Variants in ANKFN1 observed in about 807,000 individuals in gnomAD.
ANKFN1 encodes the protein ankyrin repeat and fibronectin type-III domain-containing protein 1.
ANKFN1 carries 74 observed loss-of-function variants against 108.7 expected under a neutral mutation model. That is an observed-to-expected ratio of 0.68 (90% confidence interval 0.56 to 0.83). ANKFN1 has a LOEUF of 0.83. ANKFN1 is among the 40% of genes least tolerant of loss of function. The pLI, the probability that ANKFN1 is intolerant of heterozygous loss-of-function variation, is 0.00. For missense variants in ANKFN1, 1,505 were observed against 1,382.3 expected (o/e 1.09, Z -1.41); for synonymous variants, 547 against 516.2 (o/e 1.06, Z -0.81).
chr17:56,245,196 T>A (rs1030404150), intron 3 of ANKFN1, among the ~76,000 whole-genome samples: 1 of 152,182 alleles, frequency 6.6e-6, no homozygotes, highest in African/African-American at 2.4e-5. Context: ...TTCCACACAA[T>A]GATCCTTTAC....
chr17:56,351,066 A>T, intron 5 of ANKFN1, 99 bp downstream of exon 5: 1 of 1,232,566 alleles, frequency 8.1e-7, no homozygotes, highest in Non-Finnish European at 1.1e-6. Context: ...TCAGAAGTTG[A>T]TGCTTGCAAT....
chr17:56,107,966 A>T (rs886742302), intron 4 of ANKFN1, among the ~76,000 whole-genome samples: 6 of 152,092 alleles, frequency 3.9e-5, no homozygotes, highest in Admixed American at 1.3e-4. Flanking sequence ...GGTTCAAGTG[A>T]TTCCCCTGTC....
At chr17:56,458,285 C>T (rs957342800) in intron 14 of ANKFN1, among the ~76,000 whole-genome samples, 11 of 152,098 alleles carry the variant, frequency 7.2e-5, no homozygotes, top group Admixed American at 3.9e-4. Flanking sequence ...CGACTCAGTT[C>T]TCCTCTCTGG....
chr17:56,188,411 T>C (rs1912459735), intron 1 of ANKFN1, among the ~76,000 whole-genome samples: 1 of 151,398 alleles, frequency 6.6e-6, no homozygotes, highest in South Asian at 2.1e-4. Context: ...TCCTTGCCTT[T>C]TTCAGCTTCT....
intron 20 of ANKFN1, among the ~76,000 whole-genome samples, chr17:56,501,388 T>C (rs936399398): frequency 1.3e-5 from 2 of 152,180 alleles, no homozygotes; most frequent in African/African-American, 4.8e-5. Context: ...GGGAAAATTA[T>C]TGAAGCAGGG....
At chr17:56,059,097 T>C (rs1210049640) in intron 4 of ANKFN1, among the ~76,000 whole-genome samples, 1 of 152,210 alleles carries the variant, frequency 6.6e-6, no homozygotes, top group Non-Finnish European at 1.5e-5. Context: ...CCAGCATCTA[T>C]TGGTTCTTGA....
intron 8 of ANKFN1, 136 bp from the exon 9 acceptor site, chr17:56,440,191 C>A: frequency 2.2e-6 from 1 of 448,764 alleles, no homozygotes; most frequent in Non-Finnish European, 4.0e-6. Flanking sequence ...TCTGATACAC[C>A]AATATAAAGA....
At chr17:56,367,239 A>G (rs1438726725) in intron 6 of ANKFN1, among the ~76,000 whole-genome samples, 1 of 152,146 alleles carries the variant, frequency 6.6e-6, no homozygotes, top group Admixed American at 6.5e-5. Context: ...TACATGTTAC[A>G]CTCATTGTAT....
At chr17:56,161,991 G>A (rs988682406) in intron 1 of ANKFN1, among the ~76,000 whole-genome samples, 1 of 152,168 alleles carries the variant, frequency 6.6e-6, no homozygotes, top group African/African-American at 2.4e-5. Flanking sequence ...CCATGAGTAA[G>A]TTTCTGTTGT....
Position 56,401,366 on chromosome 17 carries a change from G to A in ANKFN1, c.910+26652G>A, listed in dbSNP as rs1355432807. 7.4e-5 allele frequency among the ~76,000 whole-genome samples: 7 copies of A among 95,196 alleles called. No individual in the cohort carries two copies. The East Asian group carries it at 1.2e-3, about 16-fold the overall frequency. The allele number at this position is 95,196 out of a possible 152,430, so 62.5% of individuals were successfully genotyped here. The stretch of plus-strand genomic sequence containing the variant: ...GTATTGTATTGTATTGTATTGTATT[G>A]TATTGTGTTGTGTTGTGTTGTGTTG... On this transcript the variant is annotated intron_variant, in intron 8 of 20. Transcript: ENST00000682825.
chr17:56,338,956 C>T (rs1218194645), intron 4 of ANKFN1, among the ~76,000 whole-genome samples: 1 of 152,042 alleles, frequency 6.6e-6, no homozygotes, highest in African/African-American at 2.4e-5. Context: ...ATATCACTAC[C>T]TTACTCTCCA....
chr17:56,129,941 A>T (rs2143339060), intron 4 of ANKFN1, among the ~76,000 whole-genome samples: 1 of 152,376 alleles, frequency 6.6e-6, no homozygotes, highest in African/African-American at 2.4e-5. Flanking sequence ...ATGGTTAATT[A>T]TCACATATAG....
chr17:56,066,141 A>G (rs1478989347), intron 4 of ANKFN1, among the ~76,000 whole-genome samples: 1 of 152,192 alleles, frequency 6.6e-6, no homozygotes, highest in African/African-American at 2.4e-5. Context: ...GAGTTCTGTG[A>G]TGGCTTTTAG....
chr17:56,398,310 G>T (rs2047647732), intron 8 of ANKFN1, among the ~76,000 whole-genome samples: 1 of 152,070 alleles, frequency 6.6e-6, no homozygotes, highest in Non-Finnish European at 1.5e-5. Flanking sequence ...TGTGAACATG[G>T]ATATGATTAG....
At chr17:56,400,681 T>A (rs1263694236) in intron 8 of ANKFN1, among the ~76,000 whole-genome samples, 1 of 152,194 alleles carries the variant, frequency 6.6e-6, no homozygotes. Context: ...TCTAGAAGGA[T>A]TTTTCCAATT....
intron 3 of ANKFN1, among the ~76,000 whole-genome samples, chr17:56,303,969 T>A (rs1459780947): frequency 6.6e-6 from 1 of 151,956 alleles, no homozygotes; most frequent in Non-Finnish European, 1.5e-5. Flanking sequence ...GTGCTGGGAT[T>A]ACAGGCGTGA....
At chr17:56,174,768 CCCT>C (rs1370226335) in intron 1 of ANKFN1, among the ~76,000 whole-genome samples, 3 of 152,194 alleles carry the variant, frequency 2.0e-5, no homozygotes, top group African/African-American at 7.2e-5. Flanking sequence ...CTAGCGGAGT[CCCT>C]CCTCCCACCT....
At chr17:56,412,373 T>C (rs975737348) in intron 8 of ANKFN1, among the ~76,000 whole-genome samples, 2 of 152,180 alleles carry the variant, frequency 1.3e-5, no homozygotes, top group African/African-American at 2.4e-5. Flanking sequence ...TAATATTGAG[T>C]GTCAACTTGA....
intron 3 of ANKFN1, among the ~76,000 whole-genome samples, chr17:56,300,515 G>C (rs2044642279): frequency 6.6e-6 from 1 of 151,418 alleles, no homozygotes; most frequent in African/African-American, 2.4e-5. Context: ...AGAGCAATTT[G>C]ATGTCCCAGA....
Sources: gnomAD v4.1 joint callset for allele counts (sites outside exome capture counted in the v4.1 genomes callset) on GRCh38, gnomAD v4.1.1 for gene constraint, MANE v1.5 for transcripts, NCBI Gene and HGNC (gene_info 2026-07-23, HGNC 2026-07-21) for gene names.